CERS6: variants seen among roughly 807,000 people sequenced by gnomAD.
The protein encoded by CERS6 is LAG1 homolog, ceramide synthase 6.
In CERS6, 26 loss-of-function variants were observed where a neutral mutation model predicts 56.8. That is an observed-to-expected ratio of 0.46 (90% CI 0.34 to 0.63). The LOEUF is 0.63. Ranked by LOEUF, CERS6 falls within the 30% of genes least tolerant of loss-of-function variation. The pLI is 0.01. For missense variants in CERS6, 415 were observed against 467.5 expected, an observed-to-expected ratio of 0.89 and a Z score of 1.04; for synonymous variants, 164 against 173.3, an observed-to-expected ratio of 0.95 and a Z score of 0.42.
At chr2:168,469,546 C>T (rs2105323429) in intron 1 of CERS6, among the ~76,000 whole-genome samples, 1 of 152,216 alleles carries the variant, frequency 6.6e-6, no homozygotes, top group East Asian at 1.9e-4. Context: ...ATTCAGAGAT[C>T]TACAAGTCCA....
chr2:168,661,936 A>G (rs541684905), intron 4 of CERS6, among the ~76,000 whole-genome samples: 12 of 152,224 alleles, frequency 7.9e-5, no homozygotes, highest in Non-Finnish European at 1.8e-4. Context: ...ATTTTTAGAC[A>G]ATTTATACCA....
At position 168,765,732 on chromosome 2, in the gene CERS6, C is replaced by T; in HGVS notation, c.986C>T (p.Ala329Val). The change falls in exon 9 of 10, where the codon GCT (alanine) becomes GTT (valine). Residue 329 changes from alanine (A) to valine (V), a missense_variant. Physicochemically the swap from Ala to Val is moderately conservative, Grantham distance 64. Coordinates refer to ENST00000305747, the MANE Select transcript of CERS6 (RefSeq NM_203463.3). ...TTGATTGTGAAAATAGCTTGCAAAG[C>T]TGTTTCAAGAGGCAAGGTAAGCTAC... The part of the protein sequence containing the change: ...SYLIVKIACK[A>V]VSRGKVSKDD... 6 of 1,612,472 alleles carry T rather than the reference C, an allele frequency of 3.7e-6. No individual in the cohort carries two copies. Among genetic ancestry groups the T allele is most frequent in the Non-Finnish European group, 5.1e-6 (6 of 1,179,476 alleles).
intron 6 of CERS6, among the ~76,000 whole-genome samples, chr2:168,705,372 A>C (rs73973410): frequency 0.01 from 1,586 of 152,274 alleles, 34 homozygotes; most frequent in African/African-American, 0.036. Flanking sequence ...CCAGAAGAAA[A>C]AAAAACAAAA....
intron 1 of CERS6, among the ~76,000 whole-genome samples, chr2:168,525,370 A>G (rs1161060381): frequency 1.3e-5 from 2 of 152,250 alleles, no homozygotes; most frequent in Non-Finnish European, 2.9e-5. Flanking sequence ...CTTAAGAAAC[A>G]CTGGACGAAG....
At chr2:168,584,315 C>A (rs1167284265) in intron 3 of CERS6, among the ~76,000 whole-genome samples, 1 of 152,114 alleles carries the variant, frequency 6.6e-6, no homozygotes, top group Non-Finnish European at 1.5e-5. Context: ...TTGCTGTTTG[C>A]GTGATACCCC....
chr2:168,641,531 G>A (rs889013650), intron 4 of CERS6, among the ~76,000 whole-genome samples: 3 of 152,176 alleles, frequency 2.0e-5, no homozygotes, highest in African/African-American at 4.8e-5. Flanking sequence ...TAGAATGACC[G>A]TCCTCACCTT....
At chr2:168,468,941 C>T (rs1197913730) in intron 1 of CERS6, among the ~76,000 whole-genome samples, 1 of 152,146 alleles carries the variant, frequency 6.6e-6, no homozygotes, top group African/African-American at 2.4e-5. Context: ...AGCTCAGAAA[C>T]ATTTTTCCTA....
chr2:168,607,405 C>T (rs529023621), intron 3 of CERS6, among the ~76,000 whole-genome samples: 17 of 152,168 alleles, frequency 1.1e-4, no homozygotes, highest in African/African-American at 3.4e-4. Context: ...TTGTTTGAGA[C>T]GGAGTCTTGC....
chr2:168,464,465 A>G (rs972752931), intron 1 of CERS6, among the ~76,000 whole-genome samples: 2 of 151,618 alleles, frequency 1.3e-5, no homozygotes, highest in African/African-American at 4.8e-5. Flanking sequence ...CTGGCCTTAT[A>G]CTCTTTTATT....
rs367882854 is a variant in CERS6, at chr2:168,694,968, A to G, written c.526A>G (p.Thr176Ala). Residue 176 changes from threonine (T) to alanine (A), a missense_variant, in exon 6 of 10, where the codon ACT (threonine) becomes GCT (alanine). By Grantham distance (58) the Thr-to-Ala change is moderately conservative. Transcript: ENST00000305747. ...WYNYPYQPLTTDLHYYYILEL... is the reference protein window; with the variant it reads ...WYNYPYQPLTADLHYYYILEL... ...TTTCTTTCACCTTCAGCCACTCACA[A>G]CTGACCTTCACTACTATTACATCCT... The G allele has an allele frequency of 5.0e-5, 81 of 1,613,176 alleles. No homozygotes were observed. The highest frequency in any genetic ancestry group is 6.5e-5 in the Non-Finnish European group (77 of 1,179,454).
intron 4 of CERS6, among the ~76,000 whole-genome samples, chr2:168,640,584 G>T (rs1298951363): frequency 6.6e-6 from 1 of 152,232 alleles, no homozygotes; most frequent in Non-Finnish European, 1.5e-5. Context: ...TAACATGGGA[G>T]CCTAATTCAA....
chr2:168,585,172 A>G (rs962405639), intron 3 of CERS6, among the ~76,000 whole-genome samples: 2 of 152,250 alleles, frequency 1.3e-5, no homozygotes, highest in South Asian at 2.1e-4. Context: ...CCAGCCATTG[A>G]TAGAAGTGGA....
At chr2:168,518,589 C>T (rs1694923855) in intron 1 of CERS6, among the ~76,000 whole-genome samples, 1 of 152,140 alleles carries the variant, frequency 6.6e-6, no homozygotes, top group African/African-American at 2.4e-5. Flanking sequence ...TGACTGGCGT[C>T]TCCCAGGCTC....
chr2:168,458,715 TCCA>T (rs1347744597), intron 1 of CERS6, among the ~76,000 whole-genome samples: 31 of 152,366 alleles, frequency 2.0e-4, no homozygotes, highest in African/African-American at 7.5e-4. Context: ...AGAATAATAA[TCCA>T]ATATGGCACA....
Position 168,717,898 on chromosome 2 carries a change from G to A in CERS6, c.765G>A (p.Lys255=), listed in dbSNP as rs756493111. ...LEAAKMANYA[K]FQKMCDLLFV... Reference sequence around the variant, plus strand: ...CTGCCAAAATGGCAAATTATGCCAAGTTTCAGAAAATGTGTGATCTCCTGT... The same window carrying A: ...CTGCCAAAATGGCAAATTATGCCAAATTTCAGAAAATGTGTGATCTCCTGT... Residue 255 remains lysine, a synonymous_variant, in exon 8 of 10, where the codon AAG becomes AAA. Transcript: ENST00000305747. 6.2e-7 allele frequency: 1 copy of A among 1,613,642 alleles called. No homozygotes were observed. The highest frequency in any genetic ancestry group is 8.5e-7 in the Non-Finnish European group (1 of 1,179,740).
chr2:168,709,488 C>T (rs1250649687), intron 6 of CERS6, among the ~76,000 whole-genome samples: 1 of 151,902 alleles, frequency 6.6e-6, no homozygotes, highest in East Asian at 1.9e-4. Context: ...AAATATCAAG[C>T]AGGGAACATA....
chr2:168,682,667 C>A (rs1686249148), intron 4 of CERS6, among the ~76,000 whole-genome samples: 1 of 152,124 alleles, frequency 6.6e-6, no homozygotes, highest in African/African-American at 2.4e-5. Flanking sequence ...GGAGTTAATA[C>A]TACAACTCTC....
At chr2:168,611,270 T>C (rs1469163217) in intron 3 of CERS6, among the ~76,000 whole-genome samples, 1 of 152,200 alleles carries the variant, frequency 6.6e-6, no homozygotes, top group African/African-American at 2.4e-5. Flanking sequence ...CAGTGGGGTA[T>C]TGAAATAGCC....
At chr2:168,549,731 A>G (rs1004569742) in intron 2 of CERS6, among the ~76,000 whole-genome samples, 7 of 152,238 alleles carry the variant, frequency 4.6e-5, no homozygotes, top group Non-Finnish European at 8.8e-5. Context: ...AGGTTTTTAC[A>G]TGATTAAAAC....
Sources: gnomAD v4.1 joint callset for allele counts (sites outside exome capture counted in the v4.1 genomes callset) on GRCh38, gnomAD v4.1.1 for gene constraint, MANE v1.5 for transcripts, NCBI Gene and HGNC (gene_info 2026-07-23, HGNC 2026-07-21) for gene names.